Variants in RANBP10 observed in about 807,000 individuals in gnomAD.
RANBP10 encodes RAN binding protein 10, also known as ran-binding protein 10.
A neutral mutation model predicts 72.8 loss-of-function variants in RANBP10; 24 were observed. The observed-to-expected ratio is 0.33, with a 90% confidence interval of 0.24 to 0.46. The LOEUF (loss-of-function observed/expected upper bound fraction) is 0.46. Ranked by LOEUF, RANBP10 falls within the 20% of genes least tolerant of loss-of-function variation. The pLI, the probability that RANBP10 is intolerant of heterozygous loss-of-function variation, is 1.00. For synonymous variants in RANBP10, 310 were observed against 322.3 expected (o/e 0.96, Z 0.41); for missense variants, 679 against 817.5 (o/e 0.83, Z 2.07).
intron 4 of RANBP10, chr16:67,739,886 C>A (rs1478667517): frequency 6.6e-6 from 1 of 152,154 alleles, no homozygotes; most frequent in Non-Finnish European, 1.5e-5. Flanking sequence ...GGGACCACAA[C>A]TATATAAGCA....
Position 67,743,511 on chromosome 16 carries a change from T to C in RANBP10, c.568+777A>G, listed in dbSNP as rs111712098. 2.9e-3 allele frequency among the ~76,000 whole-genome samples: 439 copies of C among 152,320 alleles called. 4 individuals are homozygous for C. Among genetic ancestry groups the C allele is most frequent in the African/African-American group, 0.01 (421 of 41,570 alleles). ...CTCTCAAGCCCTAATCCTAAATGTCTACGCATGTACAGGAACGCTCCTTCC... is the reference window on the plus strand; with the variant it reads ...CTCTCAAGCCCTAATCCTAAATGTCCACGCATGTACAGGAACGCTCCTTCC... On this transcript the variant is annotated intron_variant, in intron 4 of 13. Transcript: ENST00000317506.
At chr16:67,737,498 G>A (rs576205886) in intron 5 of RANBP10, among the ~76,000 whole-genome samples, 13 of 151,324 alleles carry the variant, frequency 8.6e-5, no homozygotes, top group African/African-American at 2.9e-4. Context: ...CACCGCACCC[G>A]GCCAGAAAAC....
intron 3 of RANBP10, among the ~76,000 whole-genome samples, chr16:67,750,948 A>T (rs2054183924): frequency 6.6e-6 from 1 of 151,638 alleles, no homozygotes; most frequent in Non-Finnish European, 1.5e-5. Context: ...TTGTATTTTT[A>T]GTAGAGACGG....
chr16:67,754,881 T>C (rs999983271), intron 3 of RANBP10, among the ~76,000 whole-genome samples: 3 of 152,172 alleles, frequency 2.0e-5, no homozygotes, highest in African/African-American at 7.2e-5. Flanking sequence ...GGAGTAGGCA[T>C]GGTTGTCAAA....
chr16:67,750,406 C>G (rs2143007572), intron 3 of RANBP10, among the ~76,000 whole-genome samples: 1 of 152,336 alleles, frequency 6.6e-6, no homozygotes, highest in African/African-American at 2.4e-5. Context: ...TGGTTCTCCC[C>G]TTGCACACTG....
At position 67,744,357 on chromosome 16, in the gene RANBP10, C is replaced by G; in HGVS notation, c.499G>C (p.Asp167His). The G allele has an allele frequency of 6.2e-7, 1 of 1,614,236 alleles. No homozygotes were observed. Among genetic ancestry groups the G allele is most frequent in the Non-Finnish European group, 8.5e-7 (1 of 1,180,048 alleles). Residue 167 changes from aspartate to histidine, a missense_variant, in exon 4 of 14, where the codon GAC becomes CAC. By Grantham distance (81) the Asp-to-His change is moderately conservative (BLOSUM62 -1). Coordinates refer to ENST00000317506, the MANE Select transcript of RANBP10 (RefSeq NM_020850.3). ...AGGTTGACACAGCAGCCGATCACGT[C>G]TCCTGTGGTGAATGTGGGACCATAG... is the stretch of plus-strand genomic sequence containing the variant. ...QPYGPTFTTG[D>H]VIGCCVNLIN...
intron 3 of RANBP10, among the ~76,000 whole-genome samples, chr16:67,755,796 A>T (rs944199675): frequency 3.3e-5 from 5 of 151,742 alleles, no homozygotes; most frequent in Admixed American, 1.3e-4. Context: ...AGGCCACATG[A>T]TGGGGACAAC....
rs1485274659 is a variant in RANBP10 at position 67,734,935 on chromosome 16, C to T, written c.699G>A (p.Trp233Ter). The T allele has an allele frequency of 2.5e-6, 4 of 1,614,034 alleles. No individual in the cohort carries two copies. The highest frequency in any genetic ancestry group is 3.4e-6 in the Non-Finnish European group (4 of 1,179,972). Reference protein sequence around the residue: ...LFDIEDYMREWRAKVQGTVHC... With the variant: ...LFDIEDYMRE ...GGACCGTGCCCTGGACCTTGGCACG[C>T]CACTCCCGCATGTAGTCCTCAATGT... Residue 233 changes from tryptophan to a stop codon, truncating the protein, a stop_gained, in exon 6 of 14, where the codon TGG becomes TGA. Transcript: ENST00000317506. LOFTEE classifies it high-confidence loss of function.
At chr16:67,793,436 C>T (rs908623654) in intron 2 of RANBP10, among the ~76,000 whole-genome samples, 9 of 151,692 alleles carry the variant, frequency 5.9e-5, no homozygotes, top group African/African-American at 1.5e-4. Flanking sequence ...CTCAGCCTCC[C>T]GAGTAGCTAG....
rs2054927525 is a variant in RANBP10, at chr16:67,786,936, A to T, written c.348-14850T>A. Among the ~76,000 whole-genome samples, 3 of 151,288 alleles carry T rather than the reference A, an allele frequency of 2.0e-5. No individual in the cohort carries two copies. In the South Asian group the frequency reaches 6.3e-4, roughly 32 times the overall value. ...AGCTAGACTCCATCTCAAAAACAAC[A>T]ACGAAAAAATAGAATAAATAGGCCA... On this transcript the variant is annotated intron_variant, in intron 2 of 13. Transcript: ENST00000317506.
chr16:67,770,254 G>A (rs575964316), intron 3 of RANBP10, among the ~76,000 whole-genome samples: 76 of 152,062 alleles, frequency 5.0e-4, no homozygotes, highest in African/African-American at 1.7e-3. Flanking sequence ...CTTAGCCAAG[G>A]CCAGATGCTC....
intron 2 of RANBP10, among the ~76,000 whole-genome samples, chr16:67,783,825 C>G (rs909368996): frequency 6.6e-6 from 1 of 151,974 alleles, no homozygotes; most frequent in African/African-American, 2.4e-5. Flanking sequence ...AGGTGGATCA[C>G]AAGGTCAGGA....
In RANBP10 at chr16:67,806,543, G is replaced by A; in HGVS notation, c.-7C>T. The stretch of plus-strand genomic sequence containing the variant: ...CTGCCGTCGCTGCCGCCATCTTGGA[G>A]GGAGCTACTATTGTGTCACTGGGGG... On this transcript the variant is annotated 5_prime_UTR_variant, in exon 1 of 14. Coordinates refer to ENST00000317506, the MANE Select transcript of RANBP10 (RefSeq NM_020850.3). The A allele has an allele frequency of 6.7e-7, 1 of 1,495,882 alleles. No homozygotes were observed. Among genetic ancestry groups the A allele is most frequent in the Non-Finnish European group, 8.8e-7 (1 of 1,131,028 alleles). 92.7% of individuals were successfully genotyped at this position (1,495,882 alleles called of 1,614,324 possible).
intron 2 of RANBP10, among the ~76,000 whole-genome samples, chr16:67,803,426 G>C (rs893349780): frequency 6.6e-6 from 1 of 151,978 alleles, no homozygotes; most frequent in Non-Finnish European, 1.5e-5. Flanking sequence ...CAAGGCAGGC[G>C]AATCACCTGA....
intron 2 of RANBP10, among the ~76,000 whole-genome samples, chr16:67,786,864 T>C (rs565380158): frequency 6.6e-6 from 1 of 151,166 alleles, no homozygotes; most frequent in Admixed American, 6.6e-5. Context: ...GAGGTGGTGG[T>C]TGAAGTGAGC....
intron 3 of RANBP10, among the ~76,000 whole-genome samples, chr16:67,766,499 C>T (rs1034282509): frequency 9.2e-5 from 14 of 152,176 alleles, no homozygotes; most frequent in African/African-American, 1.4e-4. Flanking sequence ...GCCCTCCCAG[C>T]GGTAATTAGT....
At chr16:67,767,454 C>CAAAA (rs1178049394) in intron 3 of RANBP10, among the ~76,000 whole-genome samples, 4 of 64,070 alleles carry the variant, frequency 6.2e-5, no homozygotes, top group African/African-American at 1.4e-4. Context: ...GACCCTGTTT[C>CAAAA]AAAAAAAAAA....
intron 2 of RANBP10, among the ~76,000 whole-genome samples, chr16:67,794,258 C>T (rs759903145): frequency 6.6e-6 from 1 of 151,862 alleles, no homozygotes; most frequent in Non-Finnish European, 1.5e-5. Context: ...GCCAACATGG[C>T]GAAACCCCAT....
intron 3 of RANBP10, among the ~76,000 whole-genome samples, chr16:67,758,145 C>T (rs1030057297): frequency 7.9e-5 from 12 of 152,332 alleles, no homozygotes; most frequent in African/African-American, 2.2e-4. Flanking sequence ...TGGCCAGGAA[C>T]GGCCCAGGGG....
Sources: gnomAD v4.1 joint callset for allele counts (sites outside exome capture counted in the v4.1 genomes callset) on GRCh38, gnomAD v4.1.1 for gene constraint, MANE v1.5 for transcripts, NCBI Gene and HGNC (gene_info 2026-07-23, HGNC 2026-07-21) for gene names.